GOLGA4: variants seen among roughly 807,000 people sequenced by gnomAD.
GOLGA4 encodes the protein golgin subfamily A member 4.
In GOLGA4, 169 loss-of-function variants were observed where a neutral mutation model predicts 265.9. The observed-to-expected ratio is 0.64, with a 90% CI of 0.56 to 0.72. The LOEUF (loss-of-function observed/expected upper bound fraction) is 0.72, where lower values mean the gene tolerates loss of function less well. Among genes scored for constraint, GOLGA4 ranks in the 30% least tolerant of loss-of-function variants. The pLI is 0.00. For synonymous variants in GOLGA4, 923 were observed against 855.8 expected (o/e 1.08, Z -1.37); for missense variants, 2,482 against 2,483.4 (o/e 1.00, Z 0.01).
chr3:37,254,563 C>G (rs2096743215), intron 2 of GOLGA4, among the ~76,000 whole-genome samples: 1 of 151,714 alleles, frequency 6.6e-6, no homozygotes, highest in African/African-American at 2.4e-5. Context: ...GGCTGGAGTT[C>G]AGGGGTGCAG....
chr3:37,252,847 T>A (rs2096737812), intron 2 of GOLGA4, among the ~76,000 whole-genome samples: 1 of 152,212 alleles, frequency 6.6e-6, no homozygotes, highest in East Asian at 1.9e-4. Flanking sequence ...AGGAGTTTTT[T>A]AAAAAATATA....
At chr3:37,307,029 T>C (rs2096908313) in intron 10 of GOLGA4, among the ~76,000 whole-genome samples, 1 of 152,210 alleles carries the variant, frequency 6.6e-6, no homozygotes, top group Admixed American at 6.5e-5. Context: ...CTCCCTCCCA[T>C]TAAAATGTTT....
chr3:37,315,076 A>G (rs1005804073), intron 10 of GOLGA4, among the ~76,000 whole-genome samples: 1 of 152,252 alleles, frequency 6.6e-6, no homozygotes, highest in Non-Finnish European at 1.5e-5. Context: ...TATACAGTAC[A>G]GAAATAGGGA....
Position 37,296,111 on chromosome 3 carries a change from C to T in GOLGA4, c.706C>T (p.Arg236Ter), listed in dbSNP as rs770966777. Residue 236 changes from arginine to a stop codon, truncating the protein, a stop_gained, in exon 7 of 24, where the codon CGA becomes TGA. Coordinates refer to ENST00000361924, the MANE Select transcript of GOLGA4 (RefSeq NM_002078.5). LOFTEE classifies it high-confidence loss of function. ...GGTTTCTCTACTGAAACAACGATTACGAAATGGCCCGATGAATGTTGATGT... is the reference window on the plus strand; with the variant it reads ...GGTTTCTCTACTGAAACAACGATTATGAAATGGCCCGATGAATGTTGATGT... ...TQVSLLKQRL[R>*]NGPMNVDVLK... The T allele has an allele frequency of 6.8e-6, 11 of 1,613,562 alleles. No individual in the cohort carries two copies. The highest frequency in any genetic ancestry group is 5.3e-5 in the African/African-American group (4 of 74,896).
intron 5 of GOLGA4, among the ~76,000 whole-genome samples, chr3:37,293,632 G>A (rs2096870569): frequency 6.6e-6 from 1 of 152,176 alleles, no homozygotes; most frequent in Non-Finnish European, 1.5e-5. Context: ...GCTAACCTCC[G>A]GCATTCTAAG....
At chr3:37,308,796 T>C (rs2096914544) in intron 10 of GOLGA4, among the ~76,000 whole-genome samples, 1 of 151,816 alleles carries the variant, frequency 6.6e-6, no homozygotes, top group African/African-American at 2.4e-5. Context: ...TTTGTATTTT[T>C]AGTAGAGACG....
At position 37,359,399 on chromosome 3, in the gene GOLGA4, AT is replaced by A. The variant is rs1171149612; in HGVS notation, c.6664-1842del. Among the ~76,000 whole-genome samples, 13 of 152,286 alleles carry A rather than the reference AT, an allele frequency of 8.5e-5. No homozygotes were observed. In the East Asian group the frequency reaches 2.3e-3, roughly 27 times the overall value. ...GGGTAACAAGCATCTCAGAATTGAG[AT>A]TCCTTTGTTATATGGAAACCCCTCT... On this transcript the variant is annotated intron_variant, in intron 22 of 23. Transcript: ENST00000361924.
At chr3:37,312,939 T>G (rs1044687199) in intron 10 of GOLGA4, among the ~76,000 whole-genome samples, 2 of 152,200 alleles carry the variant, frequency 1.3e-5, no homozygotes, top group Non-Finnish European at 2.9e-5. Context: ...ATAGATTTGC[T>G]TTTCATATAA....
chr3:37,341,572 G>A (rs1017260870), intron 20 of GOLGA4: 6 of 152,092 alleles, frequency 3.9e-5, no homozygotes, highest in African/African-American at 7.2e-5. Flanking sequence ...TGCTCACTGC[G>A]GAGATGATTC....
chr3:37,309,998 A>T (rs762570637), intron 10 of GOLGA4, among the ~76,000 whole-genome samples: 1 of 152,092 alleles, frequency 6.6e-6, no homozygotes, highest in African/African-American at 2.4e-5. Context: ...GTTAATTTGC[A>T]TTTCATTCAT....
intron 3 of GOLGA4, among the ~76,000 whole-genome samples, chr3:37,283,297 A>G (rs2150775409): frequency 6.6e-6 from 1 of 152,328 alleles, no homozygotes; most frequent in African/African-American, 2.4e-5. Flanking sequence ...AGAGATATAA[A>G]CAAGGCACTA....
At chr3:37,278,890 G>A (rs1256119219) in intron 2 of GOLGA4, among the ~76,000 whole-genome samples, 5 of 148,384 alleles carry the variant, frequency 3.4e-5, no homozygotes, top group African/African-American at 5.0e-5. Flanking sequence ...ATAGCTTACT[G>A]CAGCCTCAAA....
At chr3:37,276,665 G>A in intron 2 of GOLGA4, 1 of 1,366,590 alleles carries the variant, frequency 7.3e-7, no homozygotes, top group East Asian at 2.5e-5. Context: ...TTTAAACTAG[G>A]CCAAGCAACT....
intron 9 of GOLGA4, among the ~76,000 whole-genome samples, chr3:37,300,920 AT>A (rs1424371169): frequency 6.6e-6 from 1 of 152,070 alleles, no homozygotes; most frequent in Non-Finnish European, 1.5e-5. Context: ...ATTTCTTTTA[AT>A]TTACTGGTTT....
At position 37,326,715 on chromosome 3, in the gene GOLGA4, A is replaced by G. The variant is rs139538082; in HGVS notation, c.4829A>G (p.His1610Arg). ...ELETKKKELE[H>R]VNLSVKSKEE... ...GAAACTAAGAAGAAAGAATTAGAAC[A>G]TGTGAATTTAAGTGTGAAAAGCAAA... Residue 1610 changes from histidine to arginine, a missense_variant, in exon 14 of 24, where the codon CAT (histidine) becomes CGT (arginine). This residue lies in a region of GOLGA4 where 942 missense variants were observed against 983.1 expected (regional missense o/e 0.96). Transcript: ENST00000361924. The G allele has an allele frequency of 2.5e-4, 399 of 1,613,432 alleles. 1 individual carries two copies. Among genetic ancestry groups the G allele is most frequent in the African/African-American group, 6.1e-4 (46 of 74,904 alleles).
chr3:37,299,315 C>G lies in GOLGA4; in HGVS notation c.1030C>G (p.Leu344Val). 6.2e-7 allele frequency: 1 copy of G among 1,612,746 alleles called. No individual in the cohort carries two copies. Among genetic ancestry groups the G allele is most frequent in the Non-Finnish European group, 8.5e-7 (1 of 1,178,828 alleles). The change falls in exon 9 of 24, where the codon CTT becomes GTT. Residue 344 changes from leucine (L) to valine (V), a missense_variant. By Grantham distance (32) the Leu-to-Val change is conservative. Transcript: ENST00000361924. Reference protein sequence around the residue: ...KDLHMAEKTKLITQLRDAKNL... With the variant: ...KDLHMAEKTKVITQLRDAKNL... ...CCTTCATATGGCCGAGAAGACTAAA[C>G]TTATCACTCAGTTGCGTGATGCAAA...
intron 2 of GOLGA4, chr3:37,275,662 G>A (rs1399674774): frequency 4.3e-6 from 7 of 1,610,908 alleles, no homozygotes; most frequent in African/African-American, 1.3e-5. Context: ...CCTTGCCAGC[G>A]GGGTGGGCGC....
intron 2 of GOLGA4, chr3:37,266,995 G>T: frequency 1.3e-6 from 1 of 789,124 alleles, no homozygotes; most frequent in South Asian, 1.5e-5. Context: ...AAGTAATTTG[G>T]CAATTGTAGA....
At chr3:37,317,929 C>A (rs2096942542) in intron 11 of GOLGA4, among the ~76,000 whole-genome samples, 1 of 149,320 alleles carries the variant, frequency 6.7e-6, no homozygotes, top group Non-Finnish European at 1.5e-5. Flanking sequence ...TTTTTTTTTC[C>A]TTGTAGTTGA....
Sources: gnomAD v4.1 joint callset for allele counts (sites outside exome capture counted in the v4.1 genomes callset) on GRCh38, gnomAD v4.1.1 for gene constraint, gnomAD v4.1.1 regional missense constraint, MANE v1.5 for transcripts, NCBI Gene and HGNC (gene_info 2026-07-23, HGNC 2026-07-21) for gene names.